The following SDK1 variants were observed in gnomAD, a reference collection of about 807,000 sequenced individuals.
The protein encoded by SDK1 is sidekick cell adhesion molecule 1, also known as protein sidekick-1.
A neutral mutation model predicts 245.5 loss-of-function variants in SDK1; 157 were observed. The observed-to-expected ratio is 0.64, with a 90% CI of 0.56 to 0.73. The LOEUF is 0.73. Among genes scored for constraint, SDK1 ranks in the 30% least tolerant of loss-of-function variants. The pLI, the probability that SDK1 is intolerant of heterozygous loss-of-function variation, is 0.00. For missense variants in SDK1, 3,583 were observed against 3,002.3 expected, an observed-to-expected ratio of 1.19 and a Z score of -4.52; for synonymous variants, 1,647 against 1,278.5, an observed-to-expected ratio of 1.29 and a Z score of -6.15.
chr7:3,595,631 A>G (rs965579307), intron 1 of SDK1, among the ~76,000 whole-genome samples: 23 of 151,902 alleles, frequency 1.5e-4, no homozygotes, highest in African/African-American at 5.3e-4. Context: ...TCATGGAAGT[A>G]TTTGTACCAC....
intron 34 of SDK1, among the ~76,000 whole-genome samples, chr7:4,176,980 G>GATC (rs561238817): frequency 6.6e-6 from 1 of 152,358 alleles, no homozygotes; most frequent in East Asian, 1.9e-4. Context: ...GCCATAATGT[G>GATC]ATCGACTTCA....
intron 1 of SDK1, among the ~76,000 whole-genome samples, chr7:3,424,647 A>G (rs1299027676): frequency 6.6e-6 from 1 of 152,238 alleles, no homozygotes; most frequent in Non-Finnish European, 1.5e-5. Flanking sequence ...CGGTAATCCC[A>G]GCACTTTGGG....
chr7:3,966,750 A>G (rs998265213), intron 9 of SDK1, among the ~76,000 whole-genome samples: 3 of 152,156 alleles, frequency 2.0e-5, no homozygotes, highest in Middle Eastern at 3.4e-3. Flanking sequence ...CAGTGGCACG[A>G]TCATCACTCA....
chr7:3,772,132 C>T (rs1202155207), intron 4 of SDK1, among the ~76,000 whole-genome samples: 7 of 152,046 alleles, frequency 4.6e-5, no homozygotes, highest in East Asian at 1.9e-4. Context: ...GACCTGCTTC[C>T]GTCATGTTGC....
At chr7:3,836,413 A>G (rs1486898681) in intron 5 of SDK1, among the ~76,000 whole-genome samples, 1 of 152,224 alleles carries the variant, frequency 6.6e-6, no homozygotes, top group Non-Finnish European at 1.5e-5. Context: ...CAAGATACCC[A>G]TTCATTAATT....
At chr7:3,562,741 A>G (rs370238834) in intron 1 of SDK1, among the ~76,000 whole-genome samples, 30 of 152,300 alleles carry the variant, frequency 2.0e-4, no homozygotes, top group African/African-American at 6.3e-4. Context: ...TGCCTCTCCT[A>G]TTGCCTTCCC....
Position 4,113,378 on chromosome 7 carries a change from T to C in SDK1, c.3524T>C (p.Val1175Ala). Residue 1175 changes from valine to alanine, a missense_variant, in exon 24 of 45, where the codon GTG (valine) becomes GCG (alanine). Val to Ala is a moderately conservative substitution (Grantham distance 64). Coordinates refer to ENST00000404826, the MANE Select transcript of SDK1 (RefSeq NM_152744.4). ...CAGACCCTGCAGGCCCCACCCGACG[T>C]GGCTCCAACCAGCGTCACGGTCCGT... is the stretch of plus-strand genomic sequence containing the variant. ...VIQTLQAPPD[V>A]APTSVTVRTA... is the part of the protein sequence containing the mutation. The C allele has an allele frequency of 1.2e-6, 2 of 1,613,934 alleles. No individual in the cohort carries two copies. The highest frequency in any genetic ancestry group is 1.7e-6 in the Non-Finnish European group (2 of 1,180,028).
chr7:4,206,073 C>T, intron 36 of SDK1, 79 bp downstream of exon 36: 1 of 923,422 alleles, frequency 1.1e-6, no homozygotes. Context: ...ACTGCATTGC[C>T]AGCAGCAGAC....
chr7:3,830,384 T>A (rs1202287155), intron 5 of SDK1, among the ~76,000 whole-genome samples: 1 of 152,188 alleles, frequency 6.6e-6, no homozygotes, highest in Non-Finnish European at 1.5e-5. Context: ...TTCCCTTCTG[T>A]CCCCTTGTTA....
chr7:3,892,983 G>A (rs1008803139), intron 5 of SDK1, among the ~76,000 whole-genome samples: 3 of 152,174 alleles, frequency 2.0e-5, no homozygotes, highest in Non-Finnish European at 2.9e-5. Context: ...CCAGGAGGCC[G>A]AGCTGCAGTA....
In SDK1 at chr7:3,541,311, C is replaced by G. The variant is rs753808959; in HGVS notation, c.299-77769C>G. Reference sequence around the variant, plus strand: ...GCAAAACCCTTTTACTAAACTCCTCCTGTGTGCTTCCACTTGCTCAGAGCC... The same window carrying G: ...GCAAAACCCTTTTACTAAACTCCTCGTGTGTGCTTCCACTTGCTCAGAGCC... On this transcript the variant is annotated intron_variant, in intron 1 of 44. Transcript: ENST00000404826. 5.3e-5 allele frequency among the ~76,000 whole-genome samples: 8 copies of G among 152,334 alleles called. No homozygotes were observed. The East Asian group carries it at 7.7e-4, about 15-fold the overall frequency.
chr7:4,011,322 G>T (rs1369345232), intron 15 of SDK1, among the ~76,000 whole-genome samples: 1 of 152,248 alleles, frequency 6.6e-6, no homozygotes, highest in East Asian at 1.9e-4. Context: ...TTGCTTTGAG[G>T]CAGGTTCCTT....
At chr7:3,940,281 C>G (rs565082623) in intron 5 of SDK1, among the ~76,000 whole-genome samples, 1 of 152,230 alleles carries the variant, frequency 6.6e-6, no homozygotes, top group Admixed American at 6.5e-5. Flanking sequence ...AATATCTAAA[C>G]GTGCTTTGCG....
At chr7:3,484,210 C>G (rs997045944) in intron 1 of SDK1, among the ~76,000 whole-genome samples, 1 of 152,170 alleles carries the variant, frequency 6.6e-6, no homozygotes, top group Non-Finnish European at 1.5e-5. Context: ...AAAATTTCAC[C>G]TTCTGTATCC....
At chr7:3,585,178 G>T (rs2128633917) in intron 1 of SDK1, among the ~76,000 whole-genome samples, 1 of 152,322 alleles carries the variant, frequency 6.6e-6, no homozygotes, top group East Asian at 1.9e-4. Context: ...CCTGAGCAAA[G>T]ATAGACTCTG....
intron 8 of SDK1, among the ~76,000 whole-genome samples, chr7:3,962,060 C>T (rs910363359): frequency 2.0e-5 from 3 of 152,142 alleles, no homozygotes; most frequent in African/African-American, 2.4e-5. Context: ...CACGTGCACA[C>T]ACTCGCATGA....
intron 4 of SDK1, among the ~76,000 whole-genome samples, chr7:3,687,056 AACACACACACAC>A (rs200034994): frequency 0.16 from 21,273 of 135,210 alleles, 2,205 homozygotes; most frequent in East Asian, 0.37. Flanking sequence ...ATAGCATCAA[AACACACACACAC>A]ACACACACAC....
At chr7:3,782,149 C>T (rs766186696) in intron 4 of SDK1, among the ~76,000 whole-genome samples, 1 of 152,168 alleles carries the variant, frequency 6.6e-6, no homozygotes, top group Non-Finnish European at 1.5e-5. Flanking sequence ...GCAGACAGTA[C>T]AGGAAGCATG....
At chr7:3,515,897 T>C (rs190057128) in intron 1 of SDK1, among the ~76,000 whole-genome samples, 1 of 152,166 alleles carries the variant, frequency 6.6e-6, no homozygotes, top group South Asian at 2.1e-4. Flanking sequence ...TTCTTCACTA[T>C]GTGGAAGAGA....
Sources: gnomAD v4.1 joint callset for allele counts (sites outside exome capture counted in the v4.1 genomes callset) on GRCh38, gnomAD v4.1.1 for gene constraint, MANE v1.5 for transcripts, NCBI Gene and HGNC (gene_info 2026-07-23, HGNC 2026-07-21) for gene names.